The following GGNBP2 variants were observed in gnomAD, a reference collection of about 807,000 sequenced individuals.
The protein encoded by GGNBP2 is gametogenetin binding protein 2.
Under a neutral mutation model 85.9 loss-of-function variants are expected in GGNBP2, and 10 were observed. The observed-to-expected ratio is 0.12, with a 90% CI of 0.07 to 0.20. The LOEUF is 0.20. GGNBP2 is among the 10% of genes least tolerant of loss of function. GGNBP2 has a pLI of 1.00. For missense variants in GGNBP2, 595 were observed against 857.8 expected (o/e 0.69, Z 3.83); for synonymous variants, 287 against 285.7 (o/e 1.00, Z -0.05).
At chr17:36,573,740 T>C (rs1555607239) in intron 6 of GGNBP2, among the ~76,000 whole-genome samples, 2 of 152,190 alleles carry the variant, frequency 1.3e-5, no homozygotes, top group Admixed American at 1.3e-4. Context: ...TAAGGTGATA[T>C]CTCATTGTGT....
At chr17:36,567,543 T>C (rs2098031974) in intron 5 of GGNBP2, 120 bp from the exon 6 acceptor site, 1 of 614,786 alleles carries the variant, frequency 1.6e-6, no homozygotes, top group Non-Finnish European at 2.9e-6. Flanking sequence ...CATTTTCCAT[T>C]ATGGACGTTT....
chr17:36,559,957 C>T (rs2074400981), intron 4 of GGNBP2, among the ~76,000 whole-genome samples: 2 of 152,076 alleles, frequency 1.3e-5, no homozygotes, highest in South Asian at 4.1e-4. Flanking sequence ...GCCTCAGCCT[C>T]CTGAGAAGCT....
intron 5 of GGNBP2, among the ~76,000 whole-genome samples, chr17:36,561,397 C>T (rs556132406): frequency 6.6e-6 from 1 of 152,134 alleles, no homozygotes; most frequent in East Asian, 1.9e-4. Flanking sequence ...GCTGGGATTA[C>T]AGGTGTGAGG....
intron 3 of GGNBP2, among the ~76,000 whole-genome samples, chr17:36,555,412 G>A (rs899440084): frequency 5.9e-5 from 9 of 152,192 alleles, no homozygotes; most frequent in Non-Finnish European, 1.0e-4. Flanking sequence ...ATATAGTAAG[G>A]GCTAGGCATG....
intron 2 of GGNBP2, chr17:36,546,583 C>G (rs1313038109): frequency 6.6e-6 from 1 of 152,132 alleles, no homozygotes; most frequent in South Asian, 2.1e-4. Flanking sequence ...ACCCTCTGCC[C>G]TATGTTGCTG....
intron 6 of GGNBP2, chr17:36,575,252 C>G (rs932046689): frequency 3.2e-6 from 2 of 617,044 alleles, no homozygotes; most frequent in Non-Finnish European, 5.9e-6. Flanking sequence ...ACTGCCGAAA[C>G]CTCCACGGAA....
At chr17:36,577,597 A>G (rs2074604591) in intron 6 of GGNBP2, 1 of 237,556 alleles carries the variant, frequency 4.2e-6, no homozygotes, top group South Asian at 5.0e-5. Context: ...GAGAGAGAAC[A>G]AACCAATCAA....
chr17:36,562,026 G>A (rs903558585), intron 5 of GGNBP2, among the ~76,000 whole-genome samples: 2 of 152,194 alleles, frequency 1.3e-5, no homozygotes, highest in African/African-American at 2.4e-5. Flanking sequence ...TCCCAGCACA[G>A]TGCCATAGTT....
intron 2 of GGNBP2, 89 bp from the exon 3 acceptor site, chr17:36,554,731 C>A: frequency 1.1e-6 from 1 of 893,694 alleles, no homozygotes; most frequent in Non-Finnish European, 1.9e-6. Context: ...GCAAATCTGG[C>A]TTTCACGGGT....
At chr17:36,575,613 C>CATATACATAT (rs2074569113) in intron 6 of GGNBP2, among the ~76,000 whole-genome samples, 1 of 66,948 alleles carries the variant, frequency 1.5e-5, no homozygotes, top group Non-Finnish European at 2.4e-5. Context: ...TCTAATGTAA[C>CATATACATAT]ATATATATAT....
At chr17:36,588,596 A>AT (rs1222665534) in intron 13 of GGNBP2, among the ~76,000 whole-genome samples, 3 of 144,646 alleles carry the variant, frequency 2.1e-5, no homozygotes, top group Admixed American at 6.9e-5. Context: ...TAGTTTTAAT[A>AT]TTTATTTATT....
intron 6 of GGNBP2, among the ~76,000 whole-genome samples, chr17:36,568,050 C>G (rs984943177): frequency 6.6e-6 from 1 of 151,682 alleles, no homozygotes; most frequent in Non-Finnish European, 1.5e-5. Flanking sequence ...CTCAGCGTCT[C>G]GAGTAGCTGG....
At chr17:36,549,937 A>G (rs1401066188) in intron 2 of GGNBP2, among the ~76,000 whole-genome samples, 1 of 150,772 alleles carries the variant, frequency 6.6e-6, no homozygotes, top group Non-Finnish European at 1.5e-5. Context: ...TTGCTATGAT[A>G]TTTCTTTTTT....
intron 6 of GGNBP2, chr17:36,575,392 C>T (rs1567829292): frequency 3.6e-6 from 1 of 274,948 alleles, no homozygotes; most frequent in Non-Finnish European, 7.1e-6. Flanking sequence ...GGTGTCATAG[C>T]CAGGAAATCA....
chr17:36,545,931 G>A (rs1013848925), intron 2 of GGNBP2, 114 bp downstream of exon 2: 1 of 720,396 alleles, frequency 1.4e-6, no homozygotes, highest in Admixed American at 2.8e-5. Context: ...GCAACTCCTA[G>A]GCGAGGCCTT....
intron 2 of GGNBP2, among the ~76,000 whole-genome samples, chr17:36,551,775 G>A (rs952991211): frequency 5.9e-5 from 9 of 152,092 alleles, no homozygotes; most frequent in African/African-American, 1.9e-4. Flanking sequence ...GCTGCAGTGA[G>A]TCGAGATTGA....
In GGNBP2 at chr17:36,545,724, G is replaced by A. The variant is rs377211033; in HGVS notation, c.-1G>A. The A allele has an allele frequency of 7.7e-6, 12 of 1,567,084 alleles. No homozygotes were observed. Among genetic ancestry groups the A allele is most frequent in the Admixed American group, 3.8e-5 (2 of 53,214 alleles). On this transcript the variant is annotated 5_prime_UTR_variant, in exon 2 of 14. Coordinates refer to ENST00000613102, the MANE Select transcript of GGNBP2 (RefSeq NM_024835.5). ...CGGTGGCAACGGCAGCGTCGGGGAC[G>A]ATGGCGCGACTCGTGGCAGTGTGCA...
rs1290067741 is a variant in GGNBP2, at chr17:36,557,017, TA to T, written c.175-65del. 6 of 1,579,592 alleles carry T rather than the reference TA, an allele frequency of 3.8e-6. No individual in the cohort carries two copies. The African/African-American group carries it at 4.0e-5, about 11-fold the overall frequency. ...TTTACTGCACAAGGATAGGAACCAG[TA>T]GTAGTGAAAGTGTAATTTTACGTCT... On this transcript the variant is annotated intron_variant, in intron 3 of 13. Coordinates refer to ENST00000613102, the MANE Select transcript of GGNBP2 (RefSeq NM_024835.5).
chr17:36,557,350 A>G lies in GGNBP2; in HGVS notation c.428+14A>G, dbSNP rs2074372655. 1.9e-6 allele frequency: 3 copies of G among 1,599,996 alleles called. No individual in the cohort carries two copies. The highest frequency in any genetic ancestry group is 2.2e-5 in the East Asian group (1 of 44,690). On this transcript the variant is annotated intron_variant, in intron 4 of 13. Transcript: ENST00000613102. ...TTATGTACATGGGTAAGTATAATCA[A>G]TTAGGAGAAAATGGGTTTGTTAAAA...
Sources: allele counts gnomAD v4.1 joint callset (sites outside exome capture counted in the v4.1 genomes callset), GRCh38; gene constraint gnomAD v4.1.1; transcripts MANE v1.5; gene names NCBI Gene and HGNC (gene_info 2026-07-23, HGNC 2026-07-21).